The following RABGAP1L variants were observed in gnomAD, a reference collection of about 807,000 sequenced individuals.
RABGAP1L encodes the protein RAB GTPase activating protein 1 like.
Under a neutral mutation model 137.7 loss-of-function variants are expected in RABGAP1L, and 63 were observed. The ratio of observed to expected loss-of-function variants is 0.46; its 90% CI spans 0.37 to 0.56. The LOEUF is 0.56. RABGAP1L is among the 20% of genes least tolerant of loss of function. The pLI, the probability that RABGAP1L is intolerant of heterozygous loss-of-function variation, is 0.00. For synonymous variants in RABGAP1L, 431 were observed against 433.7 expected (o/e 0.99, Z 0.08); for missense variants, 1,095 against 1,244.0 (o/e 0.88, Z 1.80).
intron 18 of RABGAP1L, among the ~76,000 whole-genome samples, chr1:174,809,568 C>T (rs780432485): frequency 2.0e-5 from 3 of 152,252 alleles, no homozygotes; most frequent in Middle Eastern, 3.4e-3. Context: ...GAGAAGAGAT[C>T]GCCCATCACC....
intron 19 of RABGAP1L, among the ~76,000 whole-genome samples, chr1:174,880,265 GGTT>G: frequency 6.6e-6 from 1 of 151,892 alleles, no homozygotes; most frequent in East Asian, 1.9e-4. Flanking sequence ...GATAATCCAC[GGTT>G]GTAGATAATC....
At chr1:174,819,187 TAAAAAAAA>T (rs71299431) in intron 19 of RABGAP1L, among the ~76,000 whole-genome samples, 2 of 44,840 alleles carry the variant, frequency 4.5e-5, no homozygotes, top group Admixed American at 3.4e-4. Context: ...TGCCTGTCTC[TAAAAAAAA>T]AAAAAAAAAA....
At chr1:174,177,259 G>T (rs1232921578) in intron 1 of RABGAP1L, among the ~76,000 whole-genome samples, 1 of 152,076 alleles carries the variant, frequency 6.6e-6, no homozygotes, top group Non-Finnish European at 1.5e-5. Context: ...TCTTATGTTT[G>T]TTGGCCGCAT....
chr1:174,196,667 T>A (rs1667719066), intron 1 of RABGAP1L, among the ~76,000 whole-genome samples: 1 of 152,032 alleles, frequency 6.6e-6, no homozygotes, highest in Non-Finnish European at 1.5e-5. Flanking sequence ...CTCCAAATCT[T>A]AGATTGTTTC....
intron 7 of RABGAP1L, among the ~76,000 whole-genome samples, chr1:174,255,535 C>A (rs1210602015): frequency 1.3e-5 from 2 of 152,018 alleles, no homozygotes; most frequent in African/African-American, 2.4e-5. Context: ...CATTCTCTTT[C>A]TTTTTTTGAG....
At chr1:174,771,776 A>G (rs1686127206) in intron 18 of RABGAP1L, among the ~76,000 whole-genome samples, 1 of 152,272 alleles carries the variant, frequency 6.6e-6, no homozygotes, top group Admixed American at 6.5e-5. Context: ...ATAATTGTGT[A>G]GCATTTAAAC....
intron 19 of RABGAP1L, among the ~76,000 whole-genome samples, chr1:174,931,560 A>G (rs1017619363): frequency 1.3e-5 from 2 of 152,182 alleles, no homozygotes; most frequent in Non-Finnish European, 2.9e-5. Context: ...TTACTAGGCT[A>G]TATTAGTCAT....
chr1:174,312,705 T>C (rs1056174226), intron 11 of RABGAP1L, among the ~76,000 whole-genome samples: 3 of 152,170 alleles, frequency 2.0e-5, no homozygotes, highest in Non-Finnish European at 4.4e-5. Flanking sequence ...TTTTCCCCAG[T>C]GTTTCTTATA....
At chr1:174,558,254 C>A (rs1440100005) in intron 13 of RABGAP1L, among the ~76,000 whole-genome samples, 1 of 152,198 alleles carries the variant, frequency 6.6e-6, no homozygotes, top group Non-Finnish European at 1.5e-5. Context: ...AAAGGTCCAG[C>A]CTGGGGCTGC....
intron 17 of RABGAP1L, among the ~76,000 whole-genome samples, chr1:174,727,483 CTGTAGCAAAGCT>C (rs1246053931): frequency 6.6e-6 from 1 of 152,152 alleles, no homozygotes; most frequent in Non-Finnish European, 1.5e-5. Flanking sequence ...AATGCCTTTT[CTGTAGCAAAGCT>C]TTGGAAAACA....
At chr1:174,803,052 C>T (rs1371151504) in intron 18 of RABGAP1L, among the ~76,000 whole-genome samples, 1 of 151,910 alleles carries the variant, frequency 6.6e-6, no homozygotes, top group Non-Finnish European at 1.5e-5. Context: ...TTTTAAGATC[C>T]CATTATTTTT....
At chr1:174,327,813 G>A (rs1394776340) in intron 11 of RABGAP1L, among the ~76,000 whole-genome samples, 5 of 150,986 alleles carry the variant, frequency 3.3e-5, no homozygotes, top group Non-Finnish European at 7.4e-5. Flanking sequence ...GGTATTCCAC[G>A]CAAATATAAA....
chr1:174,541,327 G>A (rs1430471069), intron 13 of RABGAP1L, among the ~76,000 whole-genome samples: 3 of 152,146 alleles, frequency 2.0e-5, no homozygotes, highest in Non-Finnish European at 4.4e-5. Flanking sequence ...CCAACACTAT[G>A]TTGAATAGGA....
At chr1:174,430,913 T>C (rs1227483169) in intron 13 of RABGAP1L, among the ~76,000 whole-genome samples, 1 of 152,234 alleles carries the variant, frequency 6.6e-6, no homozygotes, top group Non-Finnish European at 1.5e-5. Flanking sequence ...AGATGTTGCA[T>C]TTCAAGCCAA....
chr1:174,747,984 G>A (rs557001301), intron 17 of RABGAP1L, among the ~76,000 whole-genome samples: 1 of 151,050 alleles, frequency 6.6e-6, no homozygotes, highest in South Asian at 2.1e-4. Context: ...ACTTTATCTT[G>A]TAGTTTGCTA....
At position 174,974,592 on chromosome 1, in the gene RABGAP1L, C is replaced by T. The variant is rs559947682; in HGVS notation, c.2545-1486C>T. ...AGTTGTTAATTTGCTGTTAGATTTT[C>T]CCCCCTAAAATCTAATGCATCAGAG... On this transcript the variant is annotated intron_variant, in intron 21 of 25. Coordinates refer to ENST00000681986, the MANE Select transcript of RABGAP1L (RefSeq NM_001366446.1). 7.9e-5 allele frequency among the ~76,000 whole-genome samples: 12 copies of T among 152,258 alleles called. No individual in the cohort carries two copies. In the South Asian group the frequency reaches 2.5e-3, roughly 32 times the overall value.
intron 17 of RABGAP1L, among the ~76,000 whole-genome samples, chr1:174,712,140 G>C (rs1483825510): frequency 6.6e-6 from 1 of 152,184 alleles, no homozygotes; most frequent in Non-Finnish European, 1.5e-5. Flanking sequence ...CCAATCAGCT[G>C]TCTGTAAAAC....
chr1:174,350,199 C>T (rs1426681522), intron 11 of RABGAP1L, among the ~76,000 whole-genome samples: 1 of 125,784 alleles, frequency 8.0e-6, no homozygotes, highest in Non-Finnish European at 1.7e-5. Context: ...ACCCCCCCCC[C>T]ACCTCCCTCC....
chr1:174,470,889 TTAAC>T (rs964885086), intron 13 of RABGAP1L, among the ~76,000 whole-genome samples: 21 of 152,354 alleles, frequency 1.4e-4, no homozygotes, highest in African/African-American at 2.4e-4. Context: ...CCTAGCCAAA[TTAAC>T]TAGCCTCAGA....
Sources: gnomAD v4.1 joint callset for allele counts (sites outside exome capture counted in the v4.1 genomes callset) on GRCh38, gnomAD v4.1.1 for gene constraint, MANE v1.5 for transcripts, NCBI Gene and HGNC (gene_info 2026-07-23, HGNC 2026-07-21) for gene names.